STK36: variants seen among roughly 807,000 people sequenced by gnomAD.
STK36 encodes the protein serine/threonine kinase 36, also known as serine/threonine-protein kinase 36.
A neutral mutation model predicts 142.2 loss-of-function variants in STK36; 116 were observed. The ratio of observed to expected loss-of-function variants is 0.82; its 90% CI spans 0.70 to 0.95. STK36 has a LOEUF of 0.95. Among genes scored for constraint, STK36 ranks in the 40% least tolerant of loss-of-function variants. The pLI is 0.00. For missense variants in STK36, 1,422 were observed against 1,617.2 expected (o/e 0.88, Z 2.07); for synonymous variants, 619 against 641.7 (o/e 0.96, Z 0.53).
chr2:218,680,560 C>T, intron 9 of STK36, 43 bp from the exon 10 acceptor site: 1 of 1,532,266 alleles, frequency 6.5e-7, no homozygotes, highest in Non-Finnish European at 8.9e-7. Context: ...CCCTAAGAGT[C>T]ATAGGTTTGG....
At chr2:218,675,956 T>G in intron 5 of STK36, 73 bp from the exon 6 acceptor site, 2 of 1,577,824 alleles carry the variant, frequency 1.3e-6, no homozygotes, top group Non-Finnish European at 1.7e-6. Flanking sequence ...TTGGGATATC[T>G]CTATGTTAGG....
Position 218,694,219 on chromosome 2 carries a change from C to T in STK36, c.2337-45C>T, listed in dbSNP as rs766433847. Reference sequence around the variant, plus strand: ...GGGAGAGGGGAGGCCGCTTACCAACCTCCTTTAATACTGCTGCATCCCTTG... The same window carrying T: ...GGGAGAGGGGAGGCCGCTTACCAACTTCCTTTAATACTGCTGCATCCCTTG... On this transcript the variant is annotated intron_variant, in intron 19 of 26. Transcript: ENST00000295709. This position sits in a 1 kb window ranked among gnomAD's most constrained non-coding sequence, Gnocchi z 4.4. 16 of 1,548,866 alleles carry T rather than the reference C, an allele frequency of 1.0e-5. No individual in the cohort carries two copies. Among genetic ancestry groups the T allele is most frequent in the African/African-American group, 8.2e-5 (6 of 73,440 alleles).
intron 11 of STK36, among the ~76,000 whole-genome samples, chr2:218,687,250 G>C (rs539425366): frequency 1.3e-5 from 2 of 152,166 alleles, no homozygotes; most frequent in Admixed American, 6.5e-5. Flanking sequence ...AGCAAAAAAT[G>C]TTGAATTTTG....
chr2:218,699,448 G>T, intron 26 of STK36, 100 bp downstream of exon 26: 1 of 1,493,348 alleles, frequency 6.7e-7, no homozygotes. Context: ...GGGACATGGA[G>T]AAACTTATGC....
rs553986077 is a variant in STK36 at position 218,698,565 on chromosome 2, C to G, written c.3058-37C>G. On this transcript the variant is annotated intron_variant, in intron 25 of 26. Coordinates refer to ENST00000295709, the MANE Select transcript of STK36 (RefSeq NM_015690.5). The stretch of plus-strand genomic sequence containing the variant: ...GCTTCTTTATAGCTGCATATACTCT[C>G]TCTCTCCCTGAATCCTTTTACCTCC... The G allele has an allele frequency of 1.5e-5, 24 of 1,596,212 alleles. No homozygotes were observed. In the African/African-American group the frequency reaches 2.3e-4, roughly 15 times the overall value.
chr2:218,685,225 G>A lies in STK36; in HGVS notation c.1377G>A (p.Gly459=), dbSNP rs1360255221. 1.9e-6 allele frequency: 3 copies of A among 1,614,150 alleles called. No homozygotes were observed. The South Asian group carries it at 3.3e-5, about 18-fold the overall frequency. ...RIQSQLHEAG[G]QILKGILEGA... ...AGAGTCAGCTGCATGAAGCTGGAGG[G>A]CAGGTAATGGGGAGAAAGACACTGT... Residue 459 remains glycine, a synonymous_variant, in exon 11 of 27, where the codon GGG becomes GGA. Transcript: ENST00000295709.
rs1430253832 is a variant in STK36, at chr2:218,697,497, C to G, written c.2796C>G (p.Thr932=). The G allele has an allele frequency of 6.2e-7, 1 of 1,614,076 alleles. No individual in the cohort carries two copies. Among genetic ancestry groups the G allele is most frequent in the African/African-American group, 1.3e-5 (1 of 74,926 alleles). The change falls in exon 24 of 27, where the codon ACC becomes ACG. Residue 932 remains threonine (T), a synonymous_variant. Transcript: ENST00000295709. ...MAALLSLAMA[T]FTQEPQLCLS... is the part of the protein sequence containing the mutation. Reference sequence around the variant, plus strand: ...CCCTGCTGAGCCTGGCCATGGCCACCTTTACCCAGGAGCCCCAGTTATGCC... The same window carrying G: ...CCCTGCTGAGCCTGGCCATGGCCACGTTTACCCAGGAGCCCCAGTTATGCC...
chr2:218,673,073 G>C, intron 2 of STK36, 160 bp downstream of exon 2: 1 of 583,240 alleles, frequency 1.7e-6, no homozygotes, highest in Non-Finnish European at 2.9e-6. Flanking sequence ...GGATTATTTG[G>C]GTGCAAATTC....
In STK36 at chr2:218,694,135, TC is replaced by T; in HGVS notation, c.2337-126del. 1 of 1,154,110 alleles carries T rather than the reference TC, an allele frequency of 8.7e-7. No homozygotes were observed. The highest frequency in any genetic ancestry group is 1.3e-6 in the Non-Finnish European group (1 of 770,778). 71.5% of individuals were successfully genotyped at this position (1,154,110 alleles called of 1,614,324 possible). ...TTCTCTACAAAGAACAGACCTAGAC[TC>T]CCATCAACTTTGTGCCTTGGAGGTA... On this transcript the variant is annotated intron_variant, in intron 19 of 26. Coordinates refer to ENST00000295709, the MANE Select transcript of STK36 (RefSeq NM_015690.5). The surrounding 1 kb of genome is among the most constrained non-coding windows in gnomAD (Gnocchi z 4.4).
chr2:218,688,407 G>T (rs573520583), intron 11 of STK36: 17 of 565,250 alleles, frequency 3.0e-5, no homozygotes, highest in African/African-American at 2.8e-4. Context: ...GGCTGGAGAA[G>T]GGAGGGAGCA....
rs2106357084 is a variant in STK36 at position 218,688,682 on chromosome 2, C to T, written c.1381-15C>T. The T allele has an allele frequency of 6.2e-7, 1 of 1,607,716 alleles. No homozygotes were observed. The highest frequency in any genetic ancestry group is 8.5e-7 in the Non-Finnish European group (1 of 1,177,412). ...GAAAATATCAATCGTTGCCTCTTTCCCTCATGTCACCCAGATCCTGAAAGG... is the reference window on the plus strand; with the variant it reads ...GAAAATATCAATCGTTGCCTCTTTCTCTCATGTCACCCAGATCCTGAAAGG... On this transcript the variant is annotated splice_polypyrimidine_tract_variant and intron_variant, in intron 11 of 26. Transcript: ENST00000295709.
At chr2:218,672,613 G>A (rs1940037088) in intron 1 of STK36, 128 bp from the exon 2 acceptor site, 2 of 521,004 alleles carry the variant, frequency 3.8e-6, no homozygotes, top group Non-Finnish European at 7.0e-6. Flanking sequence ...ACAAAGAGAA[G>A]CTCTGTTTGT....
chr2:218,697,581 C>T lies in STK36; in HGVS notation c.2880C>T (p.Cys960=), dbSNP rs79255300. The change falls in exon 24 of 27, where the codon TGC becomes TGT. Residue 960 remains cysteine (C), a synonymous_variant. Coordinates refer to ENST00000295709, the MANE Select transcript of STK36 (RefSeq NM_015690.5). The part of the protein sequence containing the change: ...ILMSILKHLL[C]PSFLNQLRQA... ...TGTCCATCCTGAAGCATCTGCTTTGCCCCAGCTTCCTGAATCAACTGCGCC... is the reference window on the plus strand; with the variant it reads ...TGTCCATCCTGAAGCATCTGCTTTGTCCCAGCTTCCTGAATCAACTGCGCC... 1.9e-4 allele frequency: 303 copies of T among 1,614,218 alleles called. 1 individual carries two copies. The African/African-American group carries it at 3.6e-3, about 19-fold the overall frequency.
intron 10 of STK36, among the ~76,000 whole-genome samples, chr2:218,683,201 A>G (rs1940612005): frequency 6.6e-6 from 1 of 151,844 alleles, no homozygotes; most frequent in Non-Finnish European, 1.5e-5. Flanking sequence ...CCTTGAACTC[A>G]TGGGGTAAGC....
rs1940725852 is a variant in STK36, at chr2:218,685,240, A to G, written c.1380+12A>G. ...AAGCTGGAGGGCAGGTAATGGGGAG[A>G]AAGACACTGTGGATGGGATCAAGAC... is the stretch of plus-strand genomic sequence containing the variant. On this transcript the variant is annotated intron_variant, in intron 11 of 26. Transcript: ENST00000295709. 2 of 1,614,112 alleles carry G rather than the reference A, an allele frequency of 1.2e-6. No individual in the cohort carries two copies. The highest frequency in any genetic ancestry group is 2.7e-5 in the African/African-American group (2 of 75,042).
chr2:218,675,155 A>G (rs1277304077), intron 4 of STK36, among the ~76,000 whole-genome samples, 188 bp from the exon 5 acceptor site: 1 of 152,190 alleles, frequency 6.6e-6, no homozygotes, highest in African/African-American at 2.4e-5. Context: ...TTTTTCTTGA[A>G]TGAATGAATG....
At chr2:218,685,366 T>G in intron 11 of STK36, 138 bp downstream of exon 11, 1 of 1,109,626 alleles carries the variant, frequency 9.0e-7, no homozygotes, top group Non-Finnish European at 1.3e-6. Context: ...TGAGGAGGTT[T>G]ACCAACCTCC....
chr2:218,681,690 C>T (rs1053941511), intron 10 of STK36, among the ~76,000 whole-genome samples: 3 of 152,112 alleles, frequency 2.0e-5, no homozygotes, highest in Non-Finnish European at 4.4e-5. Flanking sequence ...CCTCAAATGC[C>T]CAGTCCTTGA....
rs769445488 is a variant in STK36 at position 218,690,451 on chromosome 2, C to T, written c.1660C>T (p.Leu554=). 4.3e-6 allele frequency: 7 copies of T among 1,613,918 alleles called. No individual in the cohort carries two copies. Among genetic ancestry groups the T allele is most frequent in the Non-Finnish European group, 5.1e-6 (6 of 1,179,842 alleles). ...CATGGGCTCATTTTCCACCCCCAGC[C>T]TGCAGGTGTTTCAGGAGGCTGCCAA... ...NLERSQTSDS[L]QVFQEAANLF... The change falls in exon 14 of 27, where the codon CTG becomes TTG. Residue 554 remains leucine (L), a splice_region_variant and synonymous_variant. Coordinates refer to ENST00000295709, the MANE Select transcript of STK36 (RefSeq NM_015690.5).
Sources: allele counts gnomAD v4.1 joint callset (sites outside exome capture counted in the v4.1 genomes callset), GRCh38; gene constraint gnomAD v4.1.1; non-coding constraint Gnocchi (gnomAD v3.1); transcripts MANE v1.5; gene names NCBI Gene and HGNC (gene_info 2026-07-23, HGNC 2026-07-21).